Variants in TBX15 observed in about 807,000 individuals in gnomAD.
The protein encoded by TBX15 is T-box transcription factor TBX15.
A neutral mutation model predicts 53.9 loss-of-function variants in TBX15; 18 were observed. The observed-to-expected ratio is 0.33, with a 90% CI of 0.23 to 0.49. TBX15 has a LOEUF of 0.49. Ranked by LOEUF, TBX15 falls within the 20% of genes least tolerant of loss-of-function variation. The probability of loss-of-function intolerance (pLI) is 0.98; values close to 1 mark genes in which losing one functional copy is unlikely to be tolerated. For missense variants in TBX15, 692 were observed against 749.5 expected (o/e 0.92, Z 0.90); for synonymous variants, 295 against 278.0 (o/e 1.06, Z -0.61).
At chr1:118,976,749 T>C (rs1657448323) in intron 1 of TBX15, among the ~76,000 whole-genome samples, 1 of 152,172 alleles carries the variant, frequency 6.6e-6, no homozygotes, top group Admixed American at 6.5e-5. Flanking sequence ...CTGTCAAAAT[T>C]CCTTTCGTCT....
intron 1 of TBX15, among the ~76,000 whole-genome samples, chr1:118,953,037 C>A (rs529720200): frequency 6.6e-6 from 1 of 151,636 alleles, no homozygotes; most frequent in East Asian, 2.0e-4. Flanking sequence ...AATGTATAAA[C>A]CCAATACTGA....
chr1:118,953,499 C>A (rs1023793302), intron 1 of TBX15, among the ~76,000 whole-genome samples: 1 of 152,128 alleles, frequency 6.6e-6, no homozygotes, highest in Non-Finnish European at 1.5e-5. Context: ...GAATGACACT[C>A]AAAATTCCAA....
At chr1:118,979,516 G>A (rs1215034263) in intron 1 of TBX15, among the ~76,000 whole-genome samples, 1 of 152,156 alleles carries the variant, frequency 6.6e-6, no homozygotes, top group Non-Finnish European at 1.5e-5. Flanking sequence ...TTGATTCCTC[G>A]GAAATTTGTT....
chr1:118,887,098 G>T (rs1000176188), intron 7 of TBX15, among the ~76,000 whole-genome samples: 2 of 152,200 alleles, frequency 1.3e-5, no homozygotes, highest in Non-Finnish European at 2.9e-5. Flanking sequence ...TAAAGACATG[G>T]GTGAGTGCTA....
In TBX15 at chr1:118,987,931, C is replaced by A; in HGVS notation, c.-136G>T. 2 of 1,087,828 alleles carry A rather than the reference C, an allele frequency of 1.8e-6. No homozygotes were observed. The highest frequency in any genetic ancestry group is 1.3e-6 in the Non-Finnish European group (1 of 768,394). 67.4% of individuals were successfully genotyped at this position (1,087,828 alleles called of 1,614,324 possible). On this transcript the variant is annotated 5_prime_UTR_variant, in exon 1 of 8. Transcript: ENST00000369429. ...CGGACGAGGCTGAGACTGCGGCTCGCGGGTCTCTCCACCCTCCCCCTGCGT... is the reference window on the plus strand; with the variant it reads ...CGGACGAGGCTGAGACTGCGGCTCGAGGGTCTCTCCACCCTCCCCCTGCGT...
At chr1:118,893,420 A>G (rs28450778) in intron 7 of TBX15, among the ~76,000 whole-genome samples, 2 of 138,856 alleles carry the variant, frequency 1.4e-5, no homozygotes, top group African/African-American at 5.8e-5. Context: ...GAAGAAGGAA[A>G]GAAAGATGGA....
intron 2 of TBX15, among the ~76,000 whole-genome samples, chr1:118,929,657 C>A (rs1655716276): frequency 6.6e-6 from 1 of 152,088 alleles, no homozygotes; most frequent in Admixed American, 6.5e-5. Context: ...CTTGTGAAAT[C>A]AGGGATATGG....
Position 118,923,582 on chromosome 1 carries a change from T to C in TBX15, c.715A>G (p.Lys239Glu). Residue 239 changes from lysine (K) to glutamate (E), a missense_variant, in exon 5 of 8, where the codon AAA becomes GAA. Lys to Glu is a moderately conservative substitution (Grantham distance 56, BLOSUM62 1). Coordinates refer to ENST00000369429, the MANE Select transcript of TBX15 (RefSeq NM_001330677.2). ...QGHIILHSMH[K>E]YQPRVHVIRK... is the part of the protein sequence containing the mutation. Reference sequence around the variant, plus strand: ...ATCACATGAACTCGAGGCTGGTATTTGTGCATAGAGTGCAGAATGATCTGA... The same window carrying C: ...ATCACATGAACTCGAGGCTGGTATTCGTGCATAGAGTGCAGAATGATCTGA... 6.2e-7 allele frequency: 1 copy of C among 1,613,986 alleles called. No homozygotes were observed. The highest frequency in any genetic ancestry group is 8.5e-7 in the Non-Finnish European group (1 of 1,179,902).
At chr1:118,911,032 G>A (rs186849000) in intron 6 of TBX15, among the ~76,000 whole-genome samples, 1 of 152,158 alleles carries the variant, frequency 6.6e-6, no homozygotes, top group Non-Finnish European at 1.5e-5. Flanking sequence ...TTTAGAGTTA[G>A]AATTCTGTTC....
intron 5 of TBX15, among the ~76,000 whole-genome samples, chr1:118,922,692 TAGAA>T (rs1655462251): frequency 6.6e-6 from 1 of 152,228 alleles, no homozygotes; most frequent in Non-Finnish European, 1.5e-5. Context: ...ACTCATGTGC[TAGAA>T]CACTGTCTAT....
At position 118,899,052 on chromosome 1, in the gene TBX15, A is replaced by T; in HGVS notation, c.1000T>A (p.Phe334Ile). 6.2e-7 allele frequency: 1 copy of T among 1,613,634 alleles called. No individual in the cohort carries two copies. Among genetic ancestry groups the T allele is most frequent in the South Asian group, 1.1e-5 (1 of 91,080 alleles). Residue 334 changes from phenylalanine to isoleucine, a missense_variant, in exon 7 of 8, where the codon TTC (phenylalanine) becomes ATC (isoleucine). Transcript: ENST00000369429. ...CCTTGCTGCTTCTGCATGGTGGTGA[A>T]GTCTTCGAAGGTGAGTGTGCGCACA... ...PPVRTLTFEDFTTMQKQQGGS... is the reference protein window; with the variant it reads ...PPVRTLTFEDITTMQKQQGGS...
intron 3 of TBX15, 119 bp from the exon 4 acceptor site, chr1:118,924,936 A>C (rs1181666450): frequency 9.4e-7 from 1 of 1,069,414 alleles, no homozygotes; most frequent in East Asian, 2.4e-5. Context: ...ATGAATGGAG[A>C]AGTAATGGGA....
At chr1:118,920,959 G>A (rs564090669) in intron 5 of TBX15, among the ~76,000 whole-genome samples, 1 of 152,040 alleles carries the variant, frequency 6.6e-6, no homozygotes, top group Non-Finnish European at 1.5e-5. Context: ...AGAATTGCTT[G>A]AGCCCAGGAG....
rs1557891948 is a variant in TBX15, at chr1:118,938,381, AC to A, written c.206-6550del. Among the ~76,000 whole-genome samples, 3 of 152,234 alleles carry A rather than the reference AC, an allele frequency of 2.0e-5. No homozygotes were observed. The South Asian group carries it at 6.2e-4, about 32-fold the overall frequency. ...AACTGCCTACAGCACTCTCCACTTA[AC>A]AAGCAGCACCTCTCTCAGCGATACA... On this transcript the variant is annotated intron_variant, in intron 1 of 7. Transcript: ENST00000369429.
At chr1:118,898,934 A>G in intron 7 of TBX15, 94 bp downstream of exon 7, 1 of 1,253,366 alleles carries the variant, frequency 8.0e-7, no homozygotes, top group Non-Finnish European at 1.2e-6. Context: ...TATAACCCAT[A>G]TCTTGGCCTG....
At chr1:118,976,174 A>G (rs1468533021) in intron 1 of TBX15, among the ~76,000 whole-genome samples, 3 of 152,226 alleles carry the variant, frequency 2.0e-5, no homozygotes, top group African/African-American at 7.2e-5. Flanking sequence ...GTCCAGCCGT[A>G]AACATGGCAA....
intron 1 of TBX15, among the ~76,000 whole-genome samples, chr1:118,945,528 T>C (rs1401550258): frequency 5.3e-5 from 8 of 152,038 alleles, no homozygotes; most frequent in Non-Finnish European, 1.0e-4. Flanking sequence ...GACCCCAAAC[T>C]CTCTACCCCA....
At chr1:118,967,406 G>A (rs1276336214) in intron 1 of TBX15, among the ~76,000 whole-genome samples, 1 of 152,144 alleles carries the variant, frequency 6.6e-6, no homozygotes, top group Non-Finnish European at 1.5e-5. Context: ...CCTATAAGTA[G>A]CAGCATAATT....
intron 5 of TBX15, among the ~76,000 whole-genome samples, chr1:118,914,674 A>G (rs1246947707): frequency 1.3e-5 from 2 of 152,202 alleles, no homozygotes; most frequent in African/African-American, 2.4e-5. Context: ...CAAAAAATTG[A>G]CTGCATTTGC....
Sources: gnomAD v4.1 joint callset for allele counts (sites outside exome capture counted in the v4.1 genomes callset) on GRCh38, gnomAD v4.1.1 for gene constraint, MANE v1.5 for transcripts, NCBI Gene and HGNC (gene_info 2026-07-23, HGNC 2026-07-21) for gene names.